ST7: variants seen among roughly 807,000 people sequenced by gnomAD.
The protein encoded by ST7 is suppressor of tumorigenicity 7 protein.
ST7 carries 28 observed loss-of-function variants against 78.7 expected under a neutral mutation model. The observed-to-expected ratio is 0.36, with a 90% CI of 0.26 to 0.49. The LOEUF is 0.49. Among genes scored for constraint, ST7 ranks in the 20% least tolerant of loss-of-function variants. ST7 has a pLI of 0.99. For missense variants in ST7, 418 were observed against 696.0 expected (o/e 0.60, Z 4.49); for synonymous variants, 247 against 249.6 (o/e 0.99, Z 0.10).
chr7:117,199,950 A>G (rs1390118553), intron 12 of ST7, among the ~76,000 whole-genome samples: 1 of 152,152 alleles, frequency 6.6e-6, no homozygotes, highest in East Asian at 1.9e-4. Context: ...CAGAATGCCC[A>G]AACCTTCCAC....
At chr7:117,154,774 T>G (rs563088514) in intron 9 of ST7, among the ~76,000 whole-genome samples, 2 of 152,126 alleles carry the variant, frequency 1.3e-5, no homozygotes, top group Admixed American at 6.6e-5. Context: ...GCAGAAATGA[T>G]AGACATCTGG....
intron 1 of ST7, among the ~76,000 whole-genome samples, chr7:116,995,334 T>C (rs1305727613): frequency 6.6e-6 from 1 of 152,206 alleles, no homozygotes; most frequent in East Asian, 1.9e-4. Context: ...TTTATGGTAA[T>C]GTACATATAT....
chr7:117,055,761 C>T, intron 1 of ST7, among the ~76,000 whole-genome samples: 1 of 152,164 alleles, frequency 6.6e-6, no homozygotes, highest in Non-Finnish European at 1.5e-5. Context: ...TTGAAACTGG[C>T]AGTAGGACTT....
chr7:117,044,128 C>T (rs1485596085), intron 1 of ST7, among the ~76,000 whole-genome samples: 2 of 152,108 alleles, frequency 1.3e-5, no homozygotes, highest in African/African-American at 4.8e-5. Flanking sequence ...TTCCTTCTCT[C>T]TTAGATGTCT....
chr7:117,009,247 C>CTT (rs1205304689), intron 1 of ST7, among the ~76,000 whole-genome samples: 2 of 121,380 alleles, frequency 1.6e-5, no homozygotes, highest in African/African-American at 3.4e-5. Context: ...AACTTCTCCA[C>CTT]TTTTTTTTTG....
At chr7:117,093,087 G>A (rs1184122851) in intron 1 of ST7, among the ~76,000 whole-genome samples, 1 of 152,194 alleles carries the variant, frequency 6.6e-6, no homozygotes, top group Non-Finnish European at 1.5e-5. Flanking sequence ...AGGAGCACAT[G>A]TTAGACTTCA....
intron 1 of ST7, chr7:116,972,242 G>A: frequency 5.6e-6 from 3 of 537,420 alleles, no homozygotes; most frequent in South Asian, 4.7e-5. Context: ...GTGCATTTGA[G>A]TTTATCTTCC....
intron 2 of ST7, among the ~76,000 whole-genome samples, chr7:117,104,899 C>T (rs1204345833): frequency 2.6e-5 from 4 of 152,022 alleles, no homozygotes; most frequent in African/African-American, 9.7e-5. Context: ...AGAGTGATTA[C>T]CCAATATCTC....
chr7:117,135,214 G>A (rs903235218), intron 7 of ST7, among the ~76,000 whole-genome samples: 2 of 152,102 alleles, frequency 1.3e-5, no homozygotes, highest in Middle Eastern at 3.4e-3. Flanking sequence ...GCTTTGGAAG[G>A]TTTAAATTCA....
chr7:116,970,765 A>G (rs1046521349), intron 1 of ST7, among the ~76,000 whole-genome samples: 1 of 152,062 alleles, frequency 6.6e-6, no homozygotes, highest in Admixed American at 6.5e-5. Flanking sequence ...CTATTTTTAT[A>G]TATGGTCTGG....
chr7:117,048,894 C>T (rs922114206), intron 1 of ST7, among the ~76,000 whole-genome samples: 1 of 152,074 alleles, frequency 6.6e-6, no homozygotes, highest in African/African-American at 2.4e-5. Context: ...TTTATGATTC[C>T]ATGATCTAGA....
intron 1 of ST7, among the ~76,000 whole-genome samples, chr7:117,040,082 C>T (rs1797127898): frequency 6.6e-6 from 1 of 152,132 alleles, no homozygotes; most frequent in African/African-American, 2.4e-5. Flanking sequence ...GCTTTAAAGA[C>T]AGAGCTAGAG....
intron 12 of ST7, among the ~76,000 whole-genome samples, chr7:117,192,876 A>G (rs1809923088): frequency 1.3e-5 from 2 of 152,174 alleles, no homozygotes; most frequent in South Asian, 4.1e-4. Flanking sequence ...GAATTATCCT[A>G]AAAGTGGAAA....
chr7:117,097,026 T>C (rs561913565), intron 1 of ST7, among the ~76,000 whole-genome samples: 1 of 152,278 alleles, frequency 6.6e-6, no homozygotes, highest in Non-Finnish European at 1.5e-5. Flanking sequence ...TCTTTATTTT[T>C]AATCTCTTTT....
At chr7:117,193,605 G>A (rs865960962) in intron 12 of ST7, among the ~76,000 whole-genome samples, 2 of 152,208 alleles carry the variant, frequency 1.3e-5, no homozygotes, top group Non-Finnish European at 2.9e-5. Context: ...ACCCCACCAG[G>A]AAACAGACCA....
intron 9 of ST7, among the ~76,000 whole-genome samples, chr7:117,155,583 A>T (rs182366115): frequency 1.2e-4 from 19 of 152,288 alleles, no homozygotes; most frequent in African/African-American, 4.3e-4. Flanking sequence ...TATGTATCTC[A>T]ACGCCCTACC....
chr7:117,103,291 C>A (rs1801703156), intron 2 of ST7, among the ~76,000 whole-genome samples: 1 of 152,058 alleles, frequency 6.6e-6, no homozygotes. Context: ...CCCTGAATAG[C>A]CAGAGCAATC....
chr7:117,121,061 A>G (rs1803327718), intron 3 of ST7, among the ~76,000 whole-genome samples: 1 of 152,210 alleles, frequency 6.6e-6, no homozygotes, highest in Non-Finnish European at 1.5e-5. Flanking sequence ...TCTGTTTTCA[A>G]TTTGTTAATT....
intron 9 of ST7, among the ~76,000 whole-genome samples, chr7:117,142,094 T>C (rs752251556): frequency 8.5e-5 from 13 of 152,168 alleles, no homozygotes; most frequent in Non-Finnish European, 1.8e-4. Context: ...CTTCAACATT[T>C]AATATACGAT....
Sources: allele counts gnomAD v4.1 joint callset (sites outside exome capture counted in the v4.1 genomes callset), GRCh38; gene constraint gnomAD v4.1.1; transcripts MANE v1.5; gene names NCBI Gene and HGNC (gene_info 2026-07-23, HGNC 2026-07-21).